The following C16orf96 variants were observed in gnomAD, a reference collection of about 807,000 sequenced individuals.
C16orf96 encodes uncharacterized protein C16orf96.
A neutral mutation model predicts 103.6 loss-of-function variants in C16orf96; 108 were observed. The observed-to-expected ratio is 1.04, with a 90% CI of 0.89 to 1.22. The LOEUF is 1.22. Among genes scored for constraint, C16orf96 ranks in the 50% most tolerant of loss-of-function variants. C16orf96 has a pLI of 0.00. For missense variants in C16orf96, 1,586 were observed against 1,464.2 expected (o/e 1.08, Z -1.36); for synonymous variants, 566 against 593.5 (o/e 0.95, Z 0.67).
At chr16:4,565,229 G>T (rs1474598650) in intron 1 of C16orf96, among the ~76,000 whole-genome samples, 1 of 152,146 alleles carries the variant, frequency 6.6e-6, no homozygotes. Flanking sequence ...GCATGGGTCA[G>T]CTTCTGGAAG....
chr16:4,596,525 A>G (rs1897176919), intron 14 of C16orf96, among the ~76,000 whole-genome samples: 1 of 151,000 alleles, frequency 6.6e-6, no homozygotes, highest in Admixed American at 6.6e-5. Context: ...CAGCTGGGCA[A>G]CAACAAATTA....
At chr16:4,550,701 G>T in the C16orf96 span, among the ~76,000 whole-genome samples, 2 of 152,164 alleles carry the variant, frequency 1.3e-5, no homozygotes, top group Non-Finnish European at 2.9e-5. Flanking sequence ...GCCACACAAC[G>T]CATGCCCAGC....
upstream of C16orf96, among the ~76,000 whole-genome samples, chr16:4,553,510 GT>G (rs1258389076): frequency 6.6e-6 from 1 of 151,960 alleles, no homozygotes; most frequent in Admixed American, 6.6e-5. Flanking sequence ...GCTAATTTTG[GT>G]ATATTTTTTA....
chr16:4,579,048 T>G, intron 6 of C16orf96, 23 bp downstream of exon 6: 1 of 1,547,536 alleles, frequency 6.5e-7, no homozygotes, highest in Non-Finnish European at 8.7e-7. Flanking sequence ...GGCGAAGGGC[T>G]TTTGAGGCAG....
chr16:4,598,238 C>A (rs900052895), intron 14 of C16orf96, among the ~76,000 whole-genome samples: 6 of 152,150 alleles, frequency 3.9e-5, no homozygotes. Flanking sequence ...GCAGTCCCAG[C>A]TACTTGGGGG....
chr16:4,592,195 G>A, intron 10 of C16orf96, 110 bp from the exon 11 acceptor site: 1 of 1,346,948 alleles, frequency 7.4e-7, no homozygotes, highest in Non-Finnish European at 1.0e-6. Context: ...GGCTGAGCTG[G>A]GCCGGGCACT....
Position 4,592,210 on chromosome 16 carries a change from G to A in C16orf96, c.2712-95G>A, listed in dbSNP as rs1322661193. 3 of 1,475,158 alleles carry A rather than the reference G, an allele frequency of 2.0e-6. No homozygotes were observed. The South Asian group carries it at 3.7e-5, about 18-fold the overall frequency. The allele number at this position is 1,475,158 out of a possible 1,614,324, so 91.4% of individuals were successfully genotyped here. On this transcript the variant is annotated intron_variant, in intron 10 of 15. Transcript: ENST00000444310. Reference sequence around the variant, plus strand: ...GGCTGAGCTGGGCCGGGCACTGGCAGGAGGGATGCAGCCCTGGGGCTCTGG... The same window carrying A: ...GGCTGAGCTGGGCCGGGCACTGGCAAGAGGGATGCAGCCCTGGGGCTCTGG...
upstream of C16orf96, among the ~76,000 whole-genome samples, chr16:4,553,389 T>TAA (rs1237379573): frequency 6.6e-6 from 1 of 152,138 alleles, no homozygotes; most frequent in Non-Finnish European, 1.5e-5. Context: ...TGTATTTTGT[T>TAA]TTATTTGAGA....
Position 4,575,437 on chromosome 16 carries a change from G to C in C16orf96, c.957G>C (p.Gly319=), listed in dbSNP as rs1445899550. 1 of 1,549,318 alleles carries C rather than the reference G, an allele frequency of 6.5e-7. No homozygotes were observed. The highest frequency in any genetic ancestry group is 8.7e-7 in the Non-Finnish European group (1 of 1,146,960). The change falls in exon 5 of 16, where the codon GGG becomes GGC. Residue 319 remains glycine (G), a synonymous_variant. Coordinates refer to ENST00000444310, the MANE Select transcript of C16orf96 (RefSeq NM_001145011.2). ...CCCTCACGCCTGAGTCTGCACCTGGGTGCACAACTGAATTTGCACCTGGGC... is the reference window on the plus strand; with the variant it reads ...CCCTCACGCCTGAGTCTGCACCTGGCTGCACAACTGAATTTGCACCTGGGC... ...PPALTPESAP[G]CTTEFAPGPA...
chr16:4,587,205 T>C lies in C16orf96; in HGVS notation c.2427+92T>C, dbSNP rs1896947301. 4 of 1,211,688 alleles carry C rather than the reference T, an allele frequency of 3.3e-6. No individual in the cohort carries two copies. In the South Asian group the frequency reaches 5.2e-5, roughly 16 times the overall value. 75.1% of individuals were successfully genotyped at this position (1,211,688 alleles called of 1,614,324 possible). ...AAGCCCACCAAAGAGTCTTCCAGAA[T>C]TTCCCTCCCCCTTTGTTCATATTGA... On this transcript the variant is annotated intron_variant, in intron 8 of 15. Transcript: ENST00000444310.
chr16:4,591,882 G>C, intron 10 of C16orf96, 98 bp downstream of exon 10: 1 of 942,156 alleles, frequency 1.1e-6, no homozygotes, highest in Non-Finnish European at 1.7e-6. Context: ...CCAGACCTTT[G>C]GATGAGGGGA....
intron 5 of C16orf96, among the ~76,000 whole-genome samples, chr16:4,578,155 ATTTT>A (rs1265150536): frequency 6.6e-6 from 1 of 152,080 alleles, no homozygotes; most frequent in African/African-American, 2.4e-5. Flanking sequence ...TATTGTTATT[ATTTT>A]TTGAGATGGA....
chr16:4,554,334 G>A (rs999519515), upstream of C16orf96, among the ~76,000 whole-genome samples: 6 of 151,926 alleles, frequency 3.9e-5, no homozygotes, highest in East Asian at 1.9e-4. Context: ...AAAGGACAAC[G>A]CCCTTTTTTT....
intron 1 of C16orf96, chr16:4,560,607 G>A (rs1377825807): frequency 6.6e-6 from 1 of 152,014 alleles, no homozygotes; most frequent in East Asian, 1.9e-4. Context: ...AAAAAAACAT[G>A]ACCTAACTAC....
In C16orf96 at chr16:4,588,328, C is replaced by G. The variant is rs900647713; in HGVS notation, c.2589C>G (p.Thr863=). The change falls in exon 9 of 16, where the codon ACC becomes ACG. Residue 863 remains threonine (T), a synonymous_variant. Coordinates refer to ENST00000444310, the MANE Select transcript of C16orf96 (RefSeq NM_001145011.2). ...AMEELSKDVN[T]KLVHSDLDPL... ...AGGAGCTCAGCAAGGACGTGAACAC[C>G]AAGGTGAATGCCCCCATGTTGATTT... The G allele has an allele frequency of 9.7e-6, 15 of 1,548,186 alleles. No homozygotes were observed. Among genetic ancestry groups the G allele is most frequent in the Non-Finnish European group, 1.2e-5 (14 of 1,144,302 alleles).
chr16:4,575,017 A>C lies in C16orf96; in HGVS notation c.652A>C (p.Met218Leu), dbSNP rs977527216. 18 of 1,551,372 alleles carry C rather than the reference A, an allele frequency of 1.2e-5. No homozygotes were observed. The East Asian group carries it at 4.4e-4, about 38-fold the overall frequency. The change falls in exon 4 of 16, where the codon ATG becomes CTG. Residue 218 changes from methionine (M) to leucine (L), a missense_variant. By Grantham distance (15) the Met-to-Leu change is conservative. Coordinates refer to ENST00000444310, the MANE Select transcript of C16orf96 (RefSeq NM_001145011.2). Reference sequence around the variant, plus strand: ...TAAAACCATCCCCAAAACCGAGGACATGGTGCTCTGGAGTGGCCTTCATGA... The same window carrying C: ...TAAAACCATCCCCAAAACCGAGGACCTGGTGCTCTGGAGTGGCCTTCATGA... ...KFKTIPKTED[M>L]VLWSGLHDAM...
rs2059504758 is a variant in C16orf96 at position 4,576,159 on chromosome 16, C to T, written c.1679C>T (p.Ala560Val). ...GCACAGCCTAAGGCTCCCCAGTCTGCCCTTCACCGGCTGAAAACCACCGCT... is the reference window on the plus strand; with the variant it reads ...GCACAGCCTAAGGCTCCCCAGTCTGTCCTTCACCGGCTGAAAACCACCGCT... Reference protein sequence around the residue: ...KEAQPKAPQSALHRLKTTAAI... With the variant: ...KEAQPKAPQSVLHRLKTTAAI... Residue 560 changes from alanine (A) to valine (V), a missense_variant, in exon 5 of 16, where the codon GCC (alanine) becomes GTC (valine). Physicochemically the swap from Ala to Val is moderately conservative, Grantham distance 64. Transcript: ENST00000444310. The T allele has an allele frequency of 3.9e-6, 6 of 1,551,098 alleles. No homozygotes were observed. The highest frequency in any genetic ancestry group is 5.2e-6 in the Non-Finnish European group (6 of 1,147,000).
At position 4,556,749 on chromosome 16, in the gene C16orf96, G is replaced by A. The variant is rs762037982; in HGVS notation, c.260G>A (p.Arg87His). ...AATGTCTTCGACCACGTGGTGAGCCGCCTCGACAAGTTGGAGAACCAGCTG... is the reference window on the plus strand; with the variant it reads ...AATGTCTTCGACCACGTGGTGAGCCACCTCGACAAGTTGGAGAACCAGCTG... The part of the protein sequence containing the change: ...LSNVFDHVVS[R>H]LDKLENQLAL... Residue 87 changes from arginine to histidine, a missense_variant, in exon 1 of 16, where the codon CGC becomes CAC. By Grantham distance (29) the Arg-to-His change is conservative. Coordinates refer to ENST00000444310, the MANE Select transcript of C16orf96 (RefSeq NM_001145011.2). 1.9e-5 allele frequency: 30 copies of A among 1,551,532 alleles called. No homozygotes were observed. Among genetic ancestry groups the A allele is most frequent in the South Asian group, 9.5e-5 (8 of 84,058 alleles).
intron 10 of C16orf96, 26 bp downstream of exon 10, chr16:4,591,810 G>T: frequency 6.9e-7 from 1 of 1,443,424 alleles, no homozygotes; most frequent in Non-Finnish European, 9.3e-7. Context: ...AGCCCCTCCT[G>T]GTAGGGGTCC....
Sources: gnomAD v4.1 joint callset for allele counts (sites outside exome capture counted in the v4.1 genomes callset) on GRCh38, gnomAD v4.1.1 for gene constraint, MANE v1.5 for transcripts, NCBI Gene and HGNC (gene_info 2026-07-23, HGNC 2026-07-21) for gene names.